RGL3: variants seen among roughly 807,000 people sequenced by gnomAD.
RGL3 encodes ral guanine nucleotide dissociation stimulator like 3, also known as ral guanine nucleotide dissociation stimulator-like 3.
In RGL3, 85 loss-of-function variants were observed where a neutral mutation model predicts 90.6. The observed-to-expected ratio is 0.94, with a 90% CI of 0.79 to 1.12. RGL3 has a LOEUF of 1.12. Among genes scored for constraint, RGL3 ranks in the 50% most tolerant of loss-of-function variants. The probability of loss-of-function intolerance (pLI) is 0.00; values close to 1 mark genes in which losing one functional copy is unlikely to be tolerated. For missense variants in RGL3, 1,034 were observed against 939.2 expected (o/e 1.10, Z -1.32); for synonymous variants, 408 against 385.5 (o/e 1.06, Z -0.68).
intron 18 of RGL3, among the ~76,000 whole-genome samples, chr19:11,396,626 A>T (rs1015819006): frequency 3.3e-5 from 5 of 149,450 alleles, no homozygotes; most frequent in Non-Finnish European, 5.9e-5. Context: ...ATTGAAGGTC[A>T]GAAACACTCC....
Position 11,419,274 on chromosome 19 carries a change from T to C in RGL3, c.5A>G (p.Glu2Gly). The part of the protein sequence containing the change: M[E>G]RTAGKELALA... ...GGCCAGCTCTTTGCCTGCTGTGCGC[T>C]CCATGGCCGGCGCCCGTCCCTCTCA... Residue 2 changes from glutamate to glycine, a missense_variant, in exon 1 of 19, where the codon GAG becomes GGG. Physicochemically the swap from Glu to Gly is moderately conservative, Grantham distance 98. Transcript: ENST00000380456. The C allele has an allele frequency of 6.4e-7, 1 of 1,567,938 alleles. No homozygotes were observed. Among genetic ancestry groups the C allele is most frequent in the Non-Finnish European group, 8.6e-7 (1 of 1,157,204 alleles).
At position 11,418,735 on chromosome 19, in the gene RGL3, C is replaced by T; in HGVS notation, c.83G>A (p.Ser28Asn). The T allele has an allele frequency of 6.3e-7, 1 of 1,577,948 alleles. No homozygotes were observed. The highest frequency in any genetic ancestry group is 8.6e-7 in the Non-Finnish European group (1 of 1,166,186). ...ACTGCGCTGCCGCCGCAGGGAGACA[C>T]TGTACACCGCGCCGTCCTCGGTCTC... ...GEETEDGAVY[S>N]VSLRRQRSQR... Residue 28 changes from serine to asparagine, a missense_variant, in exon 2 of 19, where the codon AGT becomes AAT. Physicochemically the swap from Ser to Asn is conservative, Grantham distance 46 (BLOSUM62 1). Coordinates refer to ENST00000380456, the MANE Select transcript of RGL3 (RefSeq NM_001035223.4).
chr19:11,408,353 G>A (rs757396642), intron 5 of RGL3, among the ~76,000 whole-genome samples: 6 of 151,778 alleles, frequency 4.0e-5, no homozygotes, highest in Non-Finnish European at 7.4e-5. Flanking sequence ...AGGCCGAGGC[G>A]GGTGGATCAC....
At position 11,394,384 on chromosome 19, in the gene RGL3, GGA is replaced by G; in HGVS notation, c.*16_*17del. The G allele has an allele frequency of 6.3e-7, 1 of 1,584,494 alleles. No individual in the cohort carries two copies. Among genetic ancestry groups the G allele is most frequent in the Non-Finnish European group, 8.7e-7 (1 of 1,153,086 alleles). On this transcript the variant is annotated 3_prime_UTR_variant, in exon 19 of 19. Coordinates refer to ENST00000380456, the MANE Select transcript of RGL3 (RefSeq NM_001035223.4). ...CTTGCCTGTGGGACTTGTGTCTTGT[GGA>G]GAGGACAGGGCTGCCTCAGCTTGGG... is the stretch of plus-strand genomic sequence containing the variant.
chr19:11,397,520 C>A lies in RGL3; in HGVS notation c.1824G>T (p.Ala608=), dbSNP rs139444484. The A allele has an allele frequency of 6.2e-7, 1 of 1,613,360 alleles. No homozygotes were observed. Among genetic ancestry groups the A allele is most frequent in the East Asian group, 2.2e-5 (1 of 44,860 alleles). The change falls in exon 17 of 19, where the codon GCG becomes GCT. Residue 608 remains alanine, a synonymous_variant. Coordinates refer to ENST00000380456, the MANE Select transcript of RGL3 (RefSeq NM_001035223.4). The stretch of plus-strand genomic sequence containing the variant: ...TGACACGGGCCTCCGAGCTCTGCTG[C>A]GCCGGGAGGGGGATTCGAGGGCTGC... ...PLGSPRIPLP[A]QQSSEARVIR...
In RGL3 at chr19:11,406,523, A is replaced by T. The variant is rs1968783513; in HGVS notation, c.892T>A (p.Phe298Ile). ...SPTVRATVAQ[F>I]NTVTGCVLGS... ...AGCACACAGCCGGTCACGGTGTTGA[A>T]CTGGGCCACGGTGGCGCGCACAGTG... is the stretch of plus-strand genomic sequence containing the variant. The change falls in exon 7 of 19, where the codon TTC becomes ATC. Residue 298 changes from phenylalanine to isoleucine, a missense_variant. Physicochemically the swap from Phe to Ile is conservative, Grantham distance 21. Transcript: ENST00000380456. The T allele has an allele frequency of 6.4e-7, 1 of 1,552,002 alleles. No individual in the cohort carries two copies. The highest frequency in any genetic ancestry group is 1.9e-5 in the Admixed American group (1 of 51,340).
chr19:11,407,906 G>C (rs1315299903), intron 5 of RGL3, among the ~76,000 whole-genome samples: 1 of 150,082 alleles, frequency 6.7e-6, no homozygotes, highest in African/African-American at 2.4e-5. Context: ...GGCTGGTCTT[G>C]AACTCCTGAC....
In RGL3 at chr19:11,398,958, C is replaced by T. The variant is rs564326139; in HGVS notation, c.1746+897G>A. ...TGCTGGGATTACAGGCGTGAGCCAC[C>T]GTGCCCAGTCTCTTTTTCTTCATAA... is the stretch of plus-strand genomic sequence containing the variant. On this transcript the variant is annotated intron_variant, in intron 16 of 18. Coordinates refer to ENST00000380456, the MANE Select transcript of RGL3 (RefSeq NM_001035223.4). 2.6e-5 allele frequency among the ~76,000 whole-genome samples: 4 copies of T among 152,210 alleles called. No individual in the cohort carries two copies. In the South Asian group the frequency reaches 8.3e-4, roughly 32 times the overall value.
intron 1 of RGL3, 91 bp from the exon 2 acceptor site, chr19:11,418,875 T>G: frequency 9.8e-7 from 1 of 1,020,164 alleles, no homozygotes; most frequent in Non-Finnish European, 1.4e-6. Context: ...CGAGTCCTCC[T>G]GCTGCATCCC....
chr19:11,398,929 A>G (rs1206639658), intron 16 of RGL3, among the ~76,000 whole-genome samples: 1 of 152,102 alleles, frequency 6.6e-6, no homozygotes, highest in Non-Finnish European at 1.5e-5. Flanking sequence ...TCGGCCTCCC[A>G]GAGTGCTGGG....
chr19:11,402,113 C>T lies in RGL3; in HGVS notation c.1382G>A (p.Arg461His), dbSNP rs779419722. The T allele has an allele frequency of 5.6e-6, 9 of 1,603,150 alleles. No homozygotes were observed. Among genetic ancestry groups the T allele is most frequent in the African/African-American group, 4.0e-5 (3 of 74,844 alleles). Reference protein sequence around the residue: ...KRRKEWEILARIQQLQRRCQS... With the variant: ...KRRKEWEILAHIQQLQRRCQS... ...ACAGCGCCTCTGCAGCTGCTGGATG[C>T]GGGCCAGGATCTCCCACTCCTGGAG... The change falls in exon 13 of 19, where the codon CGC becomes CAC. Residue 461 changes from arginine (R) to histidine (H), a missense_variant. Physicochemically the swap from Arg to His is conservative, Grantham distance 29. Coordinates refer to ENST00000380456, the MANE Select transcript of RGL3 (RefSeq NM_001035223.4).
chr19:11,417,643 C>T (rs988602249), intron 2 of RGL3, among the ~76,000 whole-genome samples: 5 of 151,584 alleles, frequency 3.3e-5, no homozygotes, highest in African/African-American at 7.3e-5. Context: ...CTAGTTTTTT[C>T]GTATTTTTAG....
In RGL3 at chr19:11,415,717, C is replaced by T. The variant is rs907304487; in HGVS notation, c.637+220G>A. On this transcript the variant is annotated intron_variant, in intron 5 of 18. Coordinates refer to ENST00000380456, the MANE Select transcript of RGL3 (RefSeq NM_001035223.4). ...CTCAAACTCCTGACCTCAGGTGATA[C>T]ACCATCCTTGGCCTCCCAAACTGCT... Among the ~76,000 whole-genome samples the T allele has an allele frequency of 2.6e-5, 4 of 151,842 alleles. No individual in the cohort carries two copies. The East Asian group carries it at 7.8e-4, about 29-fold the overall frequency.
In RGL3 at chr19:11,405,008, G is replaced by T. The variant is rs964476439; in HGVS notation, c.1185+139C>A. 17 of 735,082 alleles carry T rather than the reference G, an allele frequency of 2.3e-5. No homozygotes were observed. In the African/African-American group the frequency reaches 2.8e-4, roughly 12 times the overall value. 45.5% of individuals were successfully genotyped at this position (735,082 alleles called of 1,614,324 possible). A position where few individuals can be genotyped will look rare whatever the true frequency, so the allele number is the denominator to read the frequency against. On this transcript the variant is annotated intron_variant, in intron 9 of 18. Coordinates refer to ENST00000380456, the MANE Select transcript of RGL3 (RefSeq NM_001035223.4). Reference sequence around the variant, plus strand: ...AAAGAAAAACGTGCAACCCGCCAGGGACAAGGATAAGGTCATTGCTGAGCG... The same window carrying T: ...AAAGAAAAACGTGCAACCCGCCAGGTACAAGGATAAGGTCATTGCTGAGCG...
Position 11,402,198 on chromosome 19 carries a change from C to T in RGL3, c.1362+17G>A. ...CCACCCTCAGGCACCACCACACCCA[C>T]TGTAGCCTCCACTCACCTTCCTCCT... On this transcript the variant is annotated intron_variant, in intron 12 of 18. Coordinates refer to ENST00000380456, the MANE Select transcript of RGL3 (RefSeq NM_001035223.4). The T allele has an allele frequency of 6.2e-7, 1 of 1,613,482 alleles. No homozygotes were observed. The highest frequency in any genetic ancestry group is 8.5e-7 in the Non-Finnish European group (1 of 1,179,912).
At chr19:11,402,330 C>A in intron 11 of RGL3, 83 bp from the exon 12 acceptor site, 1 of 1,598,928 alleles carries the variant, frequency 6.3e-7, no homozygotes, top group Non-Finnish European at 8.6e-7. Flanking sequence ...TCAGGAGCCC[C>A]ACTGTAGTAA....
intron 18 of RGL3, among the ~76,000 whole-genome samples, chr19:11,395,909 G>A (rs1355189389): frequency 6.2e-5 from 9 of 145,374 alleles, no homozygotes; most frequent in Admixed American, 2.1e-4. Context: ...TTACAGGCGT[G>A]AGCCACCATG....
intron 5 of RGL3, among the ~76,000 whole-genome samples, chr19:11,412,732 C>T (rs755985217): frequency 3.3e-5 from 5 of 151,782 alleles, no homozygotes; most frequent in African/African-American, 7.3e-5. Context: ...TTTGGGAGAC[C>T]GAGGCAAGCG....
intron 4 of RGL3, chr19:11,416,354 CT>C: frequency 4.9e-6 from 3 of 617,986 alleles, no homozygotes; most frequent in Non-Finnish European, 5.6e-6. Context: ...ACCCAGCTAC[CT>C]TTTTTTGTTG....
Sources: gnomAD v4.1 joint callset for allele counts (sites outside exome capture counted in the v4.1 genomes callset) on GRCh38, gnomAD v4.1.1 for gene constraint, MANE v1.5 for transcripts, NCBI Gene and HGNC (gene_info 2026-07-23, HGNC 2026-07-21) for gene names.